Variants in CD80 observed in about 807,000 individuals in gnomAD.
CD80 encodes CD80 molecule.
In CD80, 13 loss-of-function variants were observed where a neutral mutation model predicts 27.1. That is an observed-to-expected ratio of 0.48 (90% confidence interval 0.31 to 0.76). CD80 has a LOEUF of 0.76. Ranked by LOEUF, CD80 falls within the 30% of genes least tolerant of loss-of-function variation. The pLI, the probability that CD80 is intolerant of heterozygous loss-of-function variation, is 0.04. For synonymous variants in CD80, 125 were observed against 125.5 expected (o/e 1.00, Z 0.03); for missense variants, 277 against 347.9 (o/e 0.80, Z 1.62).
rs765269169 is a variant in CD80 at position 119,537,207 on chromosome 3, G to A, written c.630C>T (p.Thr210=). 6.2e-7 allele frequency: 1 copy of A among 1,613,886 alleles called. No individual in the cohort carries two copies. Among genetic ancestry groups the A allele is most frequent in the South Asian group, 1.1e-5 (1 of 91,084 alleles). Residue 210 remains threonine, a synonymous_variant, in exon 4 of 7, where the codon ACC becomes ACT. Transcript: ENST00000264246. Reference sequence around the variant, plus strand: ...TGATGAGACACATGAAGCTGTGGTTGGTTGTCATATTGAAATCCAGTTTGC... The same window carrying A: ...TGATGAGACACATGAAGCTGTGGTTAGTTGTCATATTGAAATCCAGTTTGC... ...VSSKLDFNMT[T]NHSFMCLIKY...
At chr3:119,534,229 A>C (rs1459070532) in intron 4 of CD80, among the ~76,000 whole-genome samples, 1 of 151,996 alleles carries the variant, frequency 6.6e-6, no homozygotes. Context: ...TAAATTAGCC[A>C]GTTGTGGAGG....
chr3:119,540,452 T>G (rs192863675), intron 3 of CD80, among the ~76,000 whole-genome samples: 60 of 152,284 alleles, frequency 3.9e-4, no homozygotes, highest in East Asian at 5.8e-4. Context: ...TACCTTTTTT[T>G]TTTGTTTGTT....
intron 2 of CD80, among the ~76,000 whole-genome samples, chr3:119,554,173 G>T (rs2082250588): frequency 6.6e-6 from 1 of 152,178 alleles, no homozygotes; most frequent in Admixed American, 6.5e-5. Context: ...CTGTTGTCAG[G>T]GTGATGATGG....
At chr3:119,549,217 A>AC in intron 2 of CD80, among the ~76,000 whole-genome samples, 1 of 134,016 alleles carries the variant, frequency 7.5e-6, no homozygotes, top group Non-Finnish European at 1.8e-5. Context: ...TCTGCAGTCC[A>AC]TGCCATACAA....
chr3:119,531,511 A>T (rs983740484), intron 4 of CD80, among the ~76,000 whole-genome samples: 3 of 152,166 alleles, frequency 2.0e-5, no homozygotes, highest in African/African-American at 7.2e-5. Context: ...TGTGCTATCT[A>T]AATTTTTCCT....
Position 119,543,242 on chromosome 3 carries a change from C to T in CD80, c.418+1308G>A, listed in dbSNP as rs563068185. Among the ~76,000 whole-genome samples, 124 of 152,332 alleles carry T rather than the reference C, an allele frequency of 8.1e-4. 2 individuals are homozygous for T. In the South Asian group the frequency reaches 0.023, roughly 28 times the overall value. ...GAATTGGCTCTATCTACGCAGCAGG[C>T]GAGGTAAACCTCTTGGGTGGTTACA... On this transcript the variant is annotated intron_variant, in intron 3 of 6. Transcript: ENST00000264246.
At chr3:119,550,210 GCAACTCA>G (rs2082224084) in intron 2 of CD80, among the ~76,000 whole-genome samples, 1 of 152,182 alleles carries the variant, frequency 6.6e-6, no homozygotes, top group Non-Finnish European at 1.5e-5. Flanking sequence ...CAGACAGACA[GCAACTCA>G]CTTGTCTGGG....
chr3:119,545,252 G>A (rs1577111146), intron 2 of CD80, among the ~76,000 whole-genome samples: 2 of 152,238 alleles, frequency 1.3e-5, no homozygotes, highest in African/African-American at 4.8e-5. Context: ...GCTGAGGCAG[G>A]AGAATCACTT....
At chr3:119,539,462 T>C (rs1397867244) in intron 3 of CD80, among the ~76,000 whole-genome samples, 1 of 151,994 alleles carries the variant, frequency 6.6e-6, no homozygotes, top group Admixed American at 6.6e-5. Flanking sequence ...AAAACCTATA[T>C]CCAAACTACA....
At chr3:119,535,847 C>A (rs1477474693) in intron 4 of CD80, among the ~76,000 whole-genome samples, 1 of 152,080 alleles carries the variant, frequency 6.6e-6, no homozygotes, top group Non-Finnish European at 1.5e-5. Context: ...AAGGGCAGTT[C>A]CAAAGGGCAA....
chr3:119,547,959 C>T (rs990082118), intron 2 of CD80, among the ~76,000 whole-genome samples: 5 of 151,628 alleles, frequency 3.3e-5, no homozygotes, highest in Non-Finnish European at 5.9e-5. Flanking sequence ...CTCCATAAGA[C>T]GACACATCTT....
chr3:119,558,870 C>T (rs1373290531), intron 1 of CD80, among the ~76,000 whole-genome samples: 1 of 152,066 alleles, frequency 6.6e-6, no homozygotes, highest in Middle Eastern at 3.2e-3. Flanking sequence ...ACACTGTGCT[C>T]CACTGTCACC....
chr3:119,535,760 T>C (rs1009055309), intron 4 of CD80, among the ~76,000 whole-genome samples: 22 of 152,084 alleles, frequency 1.4e-4, no homozygotes, highest in Admixed American at 8.5e-4. Context: ...AAAAAGCACA[T>C]TCGCCCACAA....
chr3:119,532,335 C>T (rs2082115401), intron 4 of CD80, among the ~76,000 whole-genome samples: 1 of 152,062 alleles, frequency 6.6e-6, no homozygotes, highest in Non-Finnish European at 1.5e-5. Context: ...AACCCTGTCT[C>T]TACTAAAAGT....
At chr3:119,542,975 A>G (rs1395993566) in intron 3 of CD80, among the ~76,000 whole-genome samples, 1 of 152,002 alleles carries the variant, frequency 6.6e-6, no homozygotes, top group Non-Finnish European at 1.5e-5. Context: ...CAATAAACTG[A>G]CTCATCTGAT....
At chr3:119,532,392 C>A (rs967956362) in intron 4 of CD80, among the ~76,000 whole-genome samples, 1 of 151,864 alleles carries the variant, frequency 6.6e-6, no homozygotes, top group African/African-American at 2.4e-5. Context: ...ACTCAGGAGG[C>A]TGAAGCAAGA....
chr3:119,552,423 G>A (rs1005917918), intron 2 of CD80, among the ~76,000 whole-genome samples: 1 of 147,058 alleles, frequency 6.8e-6, no homozygotes, highest in Non-Finnish European at 1.5e-5. Context: ...TGAGGCAGGA[G>A]AATGGCGTGA....
At chr3:119,558,278 T>C (rs1350752242) in intron 1 of CD80, among the ~76,000 whole-genome samples, 3 of 152,220 alleles carry the variant, frequency 2.0e-5, no homozygotes. Context: ...GTGTATTTTG[T>C]CCAAGGCAGG....
Position 119,559,007 on chromosome 3 carries a change from A to G in CD80, c.-201+433T>C, listed in dbSNP as rs189390250. On this transcript the variant is annotated intron_variant, in intron 1 of 6. Transcript: ENST00000264246. ...TGTTTTATTAGCCATCATCCATTTT[A>G]GACAGGATTAGTTAAAAGAGACTTA... 1.4e-4 allele frequency among the ~76,000 whole-genome samples: 21 copies of G among 152,258 alleles called. No homozygotes were observed. The East Asian group carries it at 3.7e-3, about 27-fold the overall frequency.
Sources: allele counts gnomAD v4.1 joint callset (sites outside exome capture counted in the v4.1 genomes callset), GRCh38; gene constraint gnomAD v4.1.1; transcripts MANE v1.5; gene names NCBI Gene and HGNC (gene_info 2026-07-23, HGNC 2026-07-21).